EXTL3: variants seen among roughly 807,000 people sequenced by gnomAD.
EXTL3 encodes exostosin like glycosyltransferase 3.
EXTL3 carries 27 observed loss-of-function variants against 69.3 expected under a neutral mutation model. That is an observed-to-expected ratio of 0.39 (90% confidence interval 0.29 to 0.54). EXTL3 has a LOEUF of 0.54. EXTL3 is among the 20% of genes least tolerant of loss of function. EXTL3 has a pLI of 0.69. For missense variants in EXTL3, 1,003 were observed against 1,231.8 expected (o/e 0.81, Z 2.78); for synonymous variants, 511 against 499.4 (o/e 1.02, Z -0.31).
intron 1 of EXTL3, among the ~76,000 whole-genome samples, chr8:28,686,325 C>A (rs1483567837): frequency 4.0e-5 from 6 of 150,438 alleles, no homozygotes; most frequent in Non-Finnish European, 7.4e-5. Flanking sequence ...AGTATCCTCT[C>A]TCTCTCTCAA....
chr8:28,691,277 T>C (rs563262630), intron 1 of EXTL3, among the ~76,000 whole-genome samples: 2 of 152,352 alleles, frequency 1.3e-5, no homozygotes, highest in African/African-American at 4.8e-5. Context: ...TCATTCAGCT[T>C]TGTTAAAAAC....
At chr8:28,654,118 CT>C (rs1313237535) in intron 1 of EXTL3, among the ~76,000 whole-genome samples, 1 of 152,126 alleles carries the variant, frequency 6.6e-6, no homozygotes, top group Non-Finnish European at 1.5e-5. Context: ...TTTGCTGATG[CT>C]CTCTAGGAAG....
intron 1 of EXTL3, among the ~76,000 whole-genome samples, chr8:28,635,715 C>CCACACACACACACACACACACACACA (rs146671194): frequency 1.7e-3 from 238 of 142,808 alleles, no homozygotes; most frequent in African/African-American, 3.0e-3. Flanking sequence ...CCCCACAACT[C>CCACACACACACACACACACACACACA]CACACACACA....
intron 1 of EXTL3, among the ~76,000 whole-genome samples, chr8:28,694,297 C>T (rs956570819): frequency 1.3e-5 from 2 of 152,196 alleles, no homozygotes; most frequent in Non-Finnish European, 2.9e-5. Context: ...ACACTCTATG[C>T]AGTTTACATT....
intron 1 of EXTL3, among the ~76,000 whole-genome samples, chr8:28,705,304 G>C (rs746615909): frequency 2.0e-5 from 3 of 152,206 alleles, no homozygotes; most frequent in Non-Finnish European, 4.4e-5. Flanking sequence ...TATGAGTCAA[G>C]AACGAGGAAT....
intron 1 of EXTL3, among the ~76,000 whole-genome samples, chr8:28,643,640 G>A (rs185885523): frequency 5.6e-4 from 85 of 151,658 alleles, no homozygotes; most frequent in Non-Finnish European, 9.9e-4. Flanking sequence ...GGATGGTCTC[G>A]ATCTCCTGAC....
At chr8:28,662,937 ACAGAGTGAAACCCTGTCT>A (rs1807139106) in intron 1 of EXTL3, among the ~76,000 whole-genome samples, 1 of 152,178 alleles carries the variant, frequency 6.6e-6, no homozygotes, top group South Asian at 2.1e-4. Flanking sequence ...AGCCTGGAAG[ACAGAGTGAAACCCTGTCT>A]CCAAAAAATT....
At chr8:28,658,205 G>T (rs1005487309) in intron 1 of EXTL3, among the ~76,000 whole-genome samples, 3 of 72,350 alleles carry the variant, frequency 4.1e-5, no homozygotes, top group African/African-American at 1.7e-4. Context: ...ACGGTGGGTG[G>T]GGGGGGTCCC....
At chr8:28,637,346 A>T (rs1291120492) in intron 1 of EXTL3, 1 of 151,752 alleles carries the variant, frequency 6.6e-6, no homozygotes, top group Non-Finnish European at 1.5e-5. Flanking sequence ...GGCTCCCATC[A>T]CTCCCAGCAA....
intron 4 of EXTL3, among the ~76,000 whole-genome samples, chr8:28,736,557 C>T (rs1221181412): frequency 6.6e-6 from 1 of 152,118 alleles, no homozygotes; most frequent in Non-Finnish European, 1.5e-5. Flanking sequence ...TTAATGAAAC[C>T]TTTCAGTTGT....
Position 28,657,140 on chromosome 8 carries a change from G to T in EXTL3, c.-53+34330G>T, listed in dbSNP as rs539651744. ...TATTTTTTGGTAAAGTGGAGGTTTCGCCATGTTGGCCAGGCTGCTCTTGAA... is the reference window on the plus strand; with the variant it reads ...TATTTTTTGGTAAAGTGGAGGTTTCTCCATGTTGGCCAGGCTGCTCTTGAA... On this transcript the variant is annotated intron_variant, in intron 1 of 6. Transcript: ENST00000523149. Among the ~76,000 whole-genome samples, 10 of 151,926 alleles carry T rather than the reference G, an allele frequency of 6.6e-5. 1 individual carries two copies. The highest frequency in any genetic ancestry group is 6.6e-4 in the Admixed American group (10 of 15,232).
In EXTL3 at chr8:28,717,740, G is replaced by A. The variant is rs779725016; in HGVS notation, c.1681G>A (p.Ala561Thr). ...GATCCCCCACCGTTCAGGCAAGGCG[G>A]CTGGAACTGACCCCAACATGGCTGA... is the stretch of plus-strand genomic sequence containing the variant. ...AEIPHRSGKA[A>T]GTDPNMADNG... The change falls in exon 3 of 7, where the codon GCT becomes ACT. Residue 561 changes from alanine (A) to threonine (T), a missense_variant. Coordinates refer to ENST00000220562, the MANE Select transcript of EXTL3 (RefSeq NM_001440.4). The surrounding 1 kb of genome is among the most constrained non-coding windows in gnomAD (Gnocchi z 8.3). 2.5e-6 allele frequency: 4 copies of A among 1,614,268 alleles called. No individual in the cohort carries two copies. The highest frequency in any genetic ancestry group is 1.7e-5 in the Admixed American group (1 of 60,032).
chr8:28,700,687 G>C (rs1449599449), upstream of EXTL3: 1 of 152,126 alleles, frequency 6.6e-6, no homozygotes. Flanking sequence ...AATACGTTAA[G>C]ACAAATTTGA....
At chr8:28,734,786 G>C (rs537531046) in intron 4 of EXTL3, among the ~76,000 whole-genome samples, 12 of 152,302 alleles carry the variant, frequency 7.9e-5, no homozygotes, top group African/African-American at 2.6e-4. Context: ...CCAGGATAGA[G>C]AGAGTTCTTT....
chr8:28,660,345 C>G (rs1807086229), intron 1 of EXTL3, among the ~76,000 whole-genome samples: 1 of 150,514 alleles, frequency 6.6e-6, no homozygotes, highest in South Asian at 2.1e-4. Context: ...GCCCGGGCGA[C>G]AGAGCAGTGA....
At chr8:28,745,143 G>C (rs1175498481) in intron 6 of EXTL3, among the ~76,000 whole-genome samples, 2 of 152,176 alleles carry the variant, frequency 1.3e-5, no homozygotes, top group Admixed American at 1.3e-4. Flanking sequence ...GGCTGAATGT[G>C]CCATGGGCGT....
upstream of EXTL3, chr8:28,701,071 C>G (rs946537365): frequency 4.6e-5 from 7 of 152,302 alleles, no homozygotes; most frequent in African/African-American, 1.7e-4. Flanking sequence ...CAGGCAGTTG[C>G]CGCGCACGGC....
upstream of EXTL3, chr8:28,697,875 C>G (rs981637412): frequency 5.4e-5 from 8 of 147,322 alleles, no homozygotes; most frequent in African/African-American, 2.0e-4. Context: ...TGTTAAACAA[C>G]AAATGCAAAA....
intron 1 of EXTL3, among the ~76,000 whole-genome samples, chr8:28,680,318 A>C (rs28520495): frequency 0.014 from 1,993 of 141,890 alleles, 36 homozygotes; most frequent in African/African-American, 0.049. Flanking sequence ...TGAACCTGGG[A>C]GGTGGAGGTT....
Sources: gnomAD v4.1 joint callset for allele counts (sites outside exome capture counted in the v4.1 genomes callset) on GRCh38, gnomAD v4.1.1 for gene constraint, Gnocchi (gnomAD v3.1) non-coding constraint, MANE v1.5 for transcripts, NCBI Gene and HGNC (gene_info 2026-07-23, HGNC 2026-07-21) for gene names.